Variants in ZFHX3 observed in about 807,000 individuals in gnomAD.
The protein encoded by ZFHX3 is zinc finger homeobox 3, also known as zinc finger homeobox protein 3.
ZFHX3 carries 42 observed loss-of-function variants against 279.1 expected under a neutral mutation model. The observed-to-expected ratio is 0.15, with a 90% CI of 0.12 to 0.19. The LOEUF is 0.19. ZFHX3 is among the 10% of genes least tolerant of loss of function. The pLI is 1.00. For synonymous variants in ZFHX3, 2,293 were observed against 1,957.8 expected, an observed-to-expected ratio of 1.17 and a Z score of -4.52; for missense variants, 4,981 against 4,754.0, an observed-to-expected ratio of 1.05 and a Z score of -1.40.
chr16:72,824,008 A>G (rs915473913), intron 5 of ZFHX3, among the ~76,000 whole-genome samples: 1 of 152,232 alleles, frequency 6.6e-6, no homozygotes, highest in Non-Finnish European at 1.5e-5. Flanking sequence ...ATTATATTTC[A>G]GGCACTAAGT....
intron 2 of ZFHX3, among the ~76,000 whole-genome samples, chr16:73,557,082 A>C (rs940025987): frequency 1.5e-5 from 2 of 137,616 alleles, no homozygotes; most frequent in Non-Finnish European, 3.1e-5. Flanking sequence ...GGGACAGAGC[A>C]AGACTCCGTC....
intron 3 of ZFHX3, among the ~76,000 whole-genome samples, chr16:72,934,718 T>C (rs939616348): frequency 1.3e-5 from 2 of 152,188 alleles, no homozygotes; most frequent in African/African-American, 4.8e-5. Context: ...AATGATCAAT[T>C]CCTCTTTGTA....
chr16:73,471,096 A>G (rs2018658246), intron 2 of ZFHX3, among the ~76,000 whole-genome samples: 2 of 152,208 alleles, frequency 1.3e-5, no homozygotes, highest in Admixed American at 1.3e-4. Flanking sequence ...CTTAATGTCT[A>G]ATGACATCTA....
intron 3 of ZFHX3, among the ~76,000 whole-genome samples, chr16:73,360,943 C>T (rs2016424214): frequency 6.6e-6 from 1 of 152,090 alleles, no homozygotes; most frequent in African/African-American, 2.4e-5. Context: ...CCAGCCTCCA[C>T]ACTGGATGAT....
At chr16:73,311,576 A>T (rs1390154135) in intron 4 of ZFHX3, among the ~76,000 whole-genome samples, 6 of 134,108 alleles carry the variant, frequency 4.5e-5, no homozygotes, top group Non-Finnish European at 9.4e-5. Context: ...GGCGACAGAG[A>T]CATACTCCAT....
intron 3 of ZFHX3, among the ~76,000 whole-genome samples, chr16:73,407,168 G>A (rs1005336764): frequency 1.3e-5 from 2 of 152,174 alleles, no homozygotes; most frequent in African/African-American, 2.4e-5. Context: ...ACACTGCACA[G>A]GACCTCCCTA....
chr16:73,818,700 T>C (rs1472510560), intron 1 of ZFHX3, among the ~76,000 whole-genome samples: 1 of 152,196 alleles, frequency 6.6e-6, no homozygotes, highest in Non-Finnish European at 1.5e-5. Context: ...GAGATGAAAG[T>C]CTGCATTGTG....
intron 5 of ZFHX3, among the ~76,000 whole-genome samples, chr16:73,234,837 G>A (rs1195544549): frequency 6.6e-6 from 1 of 152,204 alleles, no homozygotes; most frequent in Non-Finnish European, 1.5e-5. Context: ...AATTGCCTCA[G>A]CCTTTGAAGT....
intron 2 of ZFHX3, among the ~76,000 whole-genome samples, chr16:73,462,105 AT>A (rs200672294): frequency 1.3e-5 from 2 of 150,678 alleles, no homozygotes; most frequent in Non-Finnish European, 1.5e-5. Flanking sequence ...ACACCTGCGT[AT>A]TTTTTTTTAG....
At chr16:73,071,902 C>T (rs1965830696) in intron 8 of ZFHX3, among the ~76,000 whole-genome samples, 1 of 152,202 alleles carries the variant, frequency 6.6e-6, no homozygotes, top group Admixed American at 6.5e-5. Flanking sequence ...TGTCTCAGGC[C>T]AAGGGGCACA....
intron 1 of ZFHX3, among the ~76,000 whole-genome samples, chr16:73,737,443 G>C (rs968191636): frequency 2.0e-5 from 3 of 152,192 alleles, no homozygotes; most frequent in African/African-American, 7.2e-5. Context: ...ATCATCCTTT[G>C]TGGGATGAAG....
intron 4 of ZFHX3, among the ~76,000 whole-genome samples, chr16:72,886,109 G>A (rs1567564859): frequency 6.6e-6 from 1 of 152,176 alleles, no homozygotes; most frequent in South Asian, 2.1e-4. Context: ...CCTGGGGAGA[G>A]GGAAGATACA....
intron 5 of ZFHX3, among the ~76,000 whole-genome samples, chr16:73,200,500 T>C (rs1968247148): frequency 6.6e-6 from 1 of 152,210 alleles, no homozygotes; most frequent in Non-Finnish European, 1.5e-5. Context: ...ATGCTTCCAC[T>C]ACAAAATGAT....
At chr16:73,208,170 G>C (rs532427947) in intron 5 of ZFHX3, among the ~76,000 whole-genome samples, 1 of 152,090 alleles carries the variant, frequency 6.6e-6, no homozygotes, top group Non-Finnish European at 1.5e-5. Context: ...GCCCCAAAAC[G>C]TTCCTAGCAA....
At chr16:72,919,943 G>A (rs908895751) in intron 3 of ZFHX3, among the ~76,000 whole-genome samples, 2 of 151,614 alleles carry the variant, frequency 1.3e-5, no homozygotes, top group East Asian at 1.9e-4. Flanking sequence ...ACAGGCACCC[G>A]GTACTATGCC....
intron 1 of ZFHX3, among the ~76,000 whole-genome samples, chr16:73,787,404 G>T (rs143800068): frequency 6.6e-6 from 1 of 152,274 alleles, no homozygotes; most frequent in Non-Finnish European, 1.5e-5. Context: ...GGCCCCATGC[G>T]TCCCATTTTG....
In ZFHX3 at chr16:73,011,172, G is replaced by A. The variant is rs533079607; in HGVS notation, c.-50+36580C>T. On this transcript the variant is annotated intron_variant, in intron 1 of 9. Transcript: ENST00000268489. ...AATTTTTGTATTTTTTGGTAGAGAC[G>A]GGGTTTCACCACGTTGGCCAGGCTG... 8.5e-5 allele frequency among the ~76,000 whole-genome samples: 13 copies of A among 152,118 alleles called. No individual in the cohort carries two copies. In the East Asian group the frequency reaches 1.2e-3, roughly 14 times the overall value.
chr16:73,129,502 T>C (rs892389256), intron 7 of ZFHX3, among the ~76,000 whole-genome samples: 2 of 151,992 alleles, frequency 1.3e-5, no homozygotes, highest in Non-Finnish European at 2.9e-5. Context: ...GCCTTCTATG[T>C]ACCTTAATTA....
chr16:73,035,540 G>C (rs1964867449), intron 1 of ZFHX3, among the ~76,000 whole-genome samples: 1 of 152,136 alleles, frequency 6.6e-6, no homozygotes, highest in Non-Finnish European at 1.5e-5. Flanking sequence ...CCAAACTCAA[G>C]TATAAACTAA....
Sources: gnomAD v4.1 joint callset for allele counts (sites outside exome capture counted in the v4.1 genomes callset) on GRCh38, gnomAD v4.1.1 for gene constraint, MANE v1.5 for transcripts, NCBI Gene and HGNC (gene_info 2026-07-23, HGNC 2026-07-21) for gene names.